Variants in PCNX2 observed in about 807,000 individuals in gnomAD.
PCNX2 encodes the protein pecanex-like protein 2.
PCNX2 carries 168 observed loss-of-function variants against 223.8 expected under a neutral mutation model. That is an observed-to-expected ratio of 0.75 (90% CI 0.66 to 0.85). PCNX2 has a LOEUF of 0.85. Ranked by LOEUF, PCNX2 falls within the 40% of genes least tolerant of loss-of-function variation. The pLI is 0.00. For synonymous variants in PCNX2, 1,006 were observed against 1,052.6 expected, an observed-to-expected ratio of 0.96 and a Z score of 0.86; for missense variants, 2,507 against 2,675.5, an observed-to-expected ratio of 0.94 and a Z score of 1.39.
At position 233,054,371 on chromosome 1, in the gene PCNX2, G is replaced by A. The variant is rs747167792; in HGVS notation, c.4248C>T (p.Gly1416=). The A allele has an allele frequency of 1.3e-5, 21 of 1,613,656 alleles. No homozygotes were observed. The highest frequency in any genetic ancestry group is 3.3e-4 in the Middle Eastern group (2 of 6,082). ...VLGRWGNYSS[G]DCFILASDDL... is the part of the protein sequence containing the mutation. ...CATCTGAAGCCAAAATAAAGCAATC[G>A]CCAGAGCTGTAGTTGCCCCAACGTC... Residue 1416 remains glycine, a synonymous_variant, in exon 25 of 34, where the codon GGC becomes GGT. Transcript: ENST00000258229.
At chr1:233,267,135 G>A (rs1265077270) in intron 1 of PCNX2, among the ~76,000 whole-genome samples, 5 of 152,016 alleles carry the variant, frequency 3.3e-5, no homozygotes, top group Admixed American at 6.6e-5. Context: ...CCTGGCCAAC[G>A]TGATGAAACC....
At chr1:233,272,468 G>A (rs1442017878) in intron 1 of PCNX2, among the ~76,000 whole-genome samples, 1 of 152,110 alleles carries the variant, frequency 6.6e-6, no homozygotes, top group Admixed American at 6.6e-5. Context: ...TGCAAGAATG[G>A]CCATAATCAA....
In PCNX2 at chr1:233,139,996, AT is replaced by A; in HGVS notation, c.3518-142del. The A allele has an allele frequency of 1.5e-5, 16 of 1,033,290 alleles. No individual in the cohort carries two copies. The highest frequency in any genetic ancestry group is 1.8e-5 in the Non-Finnish European group (13 of 730,444). 64.0% of individuals were successfully genotyped at this position (1,033,290 alleles called of 1,614,324 possible). A position where few individuals can be genotyped will look rare whatever the true frequency, so the allele number is the denominator to read the frequency against. On this transcript the variant is annotated intron_variant, in intron 19 of 33. Transcript: ENST00000258229. The surrounding 1 kb of genome is among the most constrained non-coding windows in gnomAD (Gnocchi z 4.4). ...CTCGTGATACTAGACATGATATACCATTTTTTTCCAGGCAGCAACTGTTAGC... is the reference window on the plus strand; with the variant it reads ...CTCGTGATACTAGACATGATATACCATTTTTTCCAGGCAGCAACTGTTAGC...
At chr1:233,023,059 G>C (rs1191891777) in intron 26 of PCNX2, among the ~76,000 whole-genome samples, 1 of 152,162 alleles carries the variant, frequency 6.6e-6, no homozygotes, top group Non-Finnish European at 1.5e-5. Context: ...CTACGTGGCT[G>C]TCTAGACCCA....
chr1:233,087,482 C>T (rs527559682), intron 23 of PCNX2, among the ~76,000 whole-genome samples: 17 of 152,240 alleles, frequency 1.1e-4, no homozygotes, highest in Admixed American at 8.5e-4. Flanking sequence ...ACTCAAAAGA[C>T]GGTAATTAGA....
At chr1:233,242,158 G>A (rs1169974964) in intron 8 of PCNX2, among the ~76,000 whole-genome samples, 2 of 152,148 alleles carry the variant, frequency 1.3e-5, no homozygotes, top group Admixed American at 1.3e-4. Context: ...AGTGGGTTCA[G>A]AGATATACGG....
At chr1:233,121,238 TA>T (rs1276075730) in intron 21 of PCNX2, among the ~76,000 whole-genome samples, 2 of 152,176 alleles carry the variant, frequency 1.3e-5, no homozygotes, top group Admixed American at 1.3e-4. Flanking sequence ...CGAATATTGT[TA>T]AAATGTTGAT....
At chr1:233,213,157 T>C (rs1226237908) in intron 12 of PCNX2, among the ~76,000 whole-genome samples, 2 of 152,232 alleles carry the variant, frequency 1.3e-5, no homozygotes, top group Non-Finnish European at 2.9e-5. Flanking sequence ...TTAGTATATA[T>C]GTTCCTTGGA....
Position 233,000,206 on chromosome 1 carries a change from G to T in PCNX2, c.5328+99C>A. The T allele has an allele frequency of 8.7e-7, 1 of 1,155,446 alleles. No individual in the cohort carries two copies. The highest frequency in any genetic ancestry group is 1.3e-6 in the Non-Finnish European group (1 of 769,220). 71.6% of individuals were successfully genotyped at this position (1,155,446 alleles called of 1,614,324 possible). On this transcript the variant is annotated intron_variant, in intron 30 of 33. Coordinates refer to ENST00000258229, the MANE Select transcript of PCNX2 (RefSeq NM_014801.4). The surrounding 1 kb of genome is among the most constrained non-coding windows in gnomAD (Gnocchi z 4.6). The stretch of plus-strand genomic sequence containing the variant: ...TCTGAACAGAGGATGCTGGCACAGA[G>T]ACTCCTGTGTCAGTGCCCCCCTGCC...
chr1:232,986,684 G>A (rs1669501965), intron 32 of PCNX2, 144 bp from the exon 33 acceptor site: 1 of 772,760 alleles, frequency 1.3e-6, no homozygotes. Context: ...AGAGCTGGAA[G>A]CCTGACCACT....
In PCNX2 at chr1:233,001,689, A is replaced by T. The variant is rs1220885571; in HGVS notation, c.4953-8T>A. The T allele has an allele frequency of 1.3e-6, 2 of 1,560,072 alleles. No individual in the cohort carries two copies. Among genetic ancestry groups the T allele is most frequent in the African/African-American group, 1.4e-5 (1 of 73,814 alleles). ...TACAGGAAAGAATCCAGGCTGCAAA[A>T]CAAAGTCCTATTACTATGGAACAAA... On this transcript the variant is annotated splice_region_variant and splice_polypyrimidine_tract_variant and intron_variant, in intron 28 of 33. Transcript: ENST00000258229. This position sits in a 1 kb window ranked among gnomAD's most constrained non-coding sequence, Gnocchi z 4.2.
intron 2 of PCNX2, 95 bp downstream of exon 2, chr1:233,262,863 T>C: frequency 8.8e-7 from 1 of 1,138,746 alleles, no homozygotes; most frequent in South Asian, 1.4e-5. Context: ...TCTGTCTGCC[T>C]ATACTAGTAA....
intron 8 of PCNX2, among the ~76,000 whole-genome samples, chr1:233,246,333 C>G (rs1422878312): frequency 6.6e-6 from 1 of 152,186 alleles, no homozygotes; most frequent in Non-Finnish European, 1.5e-5. Context: ...CCACACTGGG[C>G]CAGCTTCACC....
At chr1:233,120,715 T>C (rs188367214) in intron 21 of PCNX2, among the ~76,000 whole-genome samples, 1 of 152,288 alleles carries the variant, frequency 6.6e-6, no homozygotes, top group African/African-American at 2.4e-5. Flanking sequence ...TATGTAACAT[T>C]CTTGAAACAT....
chr1:233,233,024 G>A (rs77305047), intron 9 of PCNX2: 22,074 of 985,082 alleles, frequency 0.022, 278 homozygotes, highest in South Asian at 0.043. Flanking sequence ...AGCGGAAAAT[G>A]CTGTATTCCT....
chr1:233,273,625 T>C (rs1007631717), intron 1 of PCNX2, among the ~76,000 whole-genome samples: 2 of 139,214 alleles, frequency 1.4e-5, no homozygotes, highest in African/African-American at 5.8e-5. Context: ...AGAAGCTCTT[T>C]TGGCATTTTT....
At chr1:233,222,218 T>C (rs1356428088) in intron 10 of PCNX2, among the ~76,000 whole-genome samples, 2 of 152,052 alleles carry the variant, frequency 1.3e-5, no homozygotes, top group Non-Finnish European at 2.9e-5. Context: ...AAGGCCAGTA[T>C]GGATGGAGAA....
chr1:233,265,768 T>C (rs556271159), intron 1 of PCNX2, among the ~76,000 whole-genome samples: 3 of 152,060 alleles, frequency 2.0e-5, no homozygotes, highest in East Asian at 1.9e-4. Flanking sequence ...TAGAGATAAA[T>C]TGAGAAAACC....
At chr1:233,014,860 G>T in intron 27 of PCNX2, 83 bp from the exon 28 acceptor site, 1 of 1,122,420 alleles carries the variant, frequency 8.9e-7, no homozygotes. Flanking sequence ...AGTGACATTG[G>T]CTTTGTAAGT....
Sources: gnomAD v4.1 joint callset for allele counts (sites outside exome capture counted in the v4.1 genomes callset) on GRCh38, gnomAD v4.1.1 for gene constraint, Gnocchi (gnomAD v3.1) non-coding constraint, MANE v1.5 for transcripts, NCBI Gene and HGNC (gene_info 2026-07-23, HGNC 2026-07-21) for gene names.